The following KIAA0319L variants were observed in gnomAD, a reference collection of about 807,000 sequenced individuals.
The protein encoded by KIAA0319L is dyslexia-associated protein KIAA0319-like protein.
Under a neutral mutation model 120.1 loss-of-function variants are expected in KIAA0319L, and 55 were observed. That is an observed-to-expected ratio of 0.46 (90% CI 0.37 to 0.57). KIAA0319L has a LOEUF of 0.57. Ranked by LOEUF, KIAA0319L falls within the 20% of genes least tolerant of loss-of-function variation. The pLI is 0.00. For synonymous variants in KIAA0319L, 398 were observed against 471.9 expected, an observed-to-expected ratio of 0.84 and a Z score of 2.03; for missense variants, 1,049 against 1,255.3, an observed-to-expected ratio of 0.84 and a Z score of 2.48.
chr1:35,455,973 TTC>T, intron 10 of KIAA0319L, 38 bp downstream of exon 10: 7 of 1,491,784 alleles, frequency 4.7e-6, no homozygotes, highest in Non-Finnish European at 6.5e-6. Context: ...GCAGCTCTAC[TTC>T]TCTTGGGCAA....
chr1:35,526,410 T>TATATATATAC (rs1491411192), intron 2 of KIAA0319L, among the ~76,000 whole-genome samples: 1 of 137,520 alleles, frequency 7.3e-6, no homozygotes, highest in East Asian at 2.2e-4. Context: ...TATATATATA[T>TATATATATAC]ACACACATAC....
intron 2 of KIAA0319L, among the ~76,000 whole-genome samples, chr1:35,516,090 A>G (rs1362291954): frequency 6.6e-6 from 1 of 152,202 alleles, no homozygotes; most frequent in Non-Finnish European, 1.5e-5. Context: ...GCCCAAGACC[A>G]GATGGATTCC....
At chr1:35,529,188 G>A (rs750085777) in intron 2 of KIAA0319L, among the ~76,000 whole-genome samples, 14 of 152,184 alleles carry the variant, frequency 9.2e-5, no homozygotes, top group South Asian at 6.2e-4. Flanking sequence ...AAAAGAATGC[G>A]TCCACATGAC....
At position 35,540,919 on chromosome 1, in the gene KIAA0319L, T is replaced by C. The variant is rs116102661; in HGVS notation, c.142+13431A>G. Among the ~76,000 whole-genome samples the C allele has an allele frequency of 4.1e-3, 621 of 152,266 alleles. 1 individual carries two copies. The highest frequency in any genetic ancestry group is 6.6e-3 in the Non-Finnish European group (447 of 68,018). On this transcript the variant is annotated intron_variant, in intron 2 of 20. Transcript: ENST00000325722. ...GCTTCATGAGGGCAGAAACCGTATCTGTCTTGCTCACCAATGTATTAATTT... is the reference window on the plus strand; with the variant it reads ...GCTTCATGAGGGCAGAAACCGTATCCGTCTTGCTCACCAATGTATTAATTT...
intron 16 of KIAA0319L, among the ~76,000 whole-genome samples, chr1:35,446,565 T>G (rs539810792): frequency 6.6e-6 from 1 of 152,188 alleles, no homozygotes; most frequent in African/African-American, 2.4e-5. Context: ...CACAAACCCA[T>G]AGGCCTACTT....
chr1:35,450,479 G>C lies in KIAA0319L; in HGVS notation c.2093C>G (p.Thr698Ser). 6.2e-7 allele frequency: 1 copy of C among 1,613,848 alleles called. No homozygotes were observed. The highest frequency in any genetic ancestry group is 8.5e-7 in the Non-Finnish European group (1 of 1,179,754). Residue 698 changes from threonine (T) to serine (S), a missense_variant, in exon 14 of 21, where the codon ACT (threonine) becomes AGT (serine). Thr to Ser is a moderately conservative substitution (Grantham distance 58). Transcript: ENST00000325722. ...GGGTAGGGTAATCACCACATTCCCA[G>C]TTATCTTGGCTATAGGTGGTTTGTT... is the stretch of plus-strand genomic sequence containing the variant. ...EINKPPIAKITGNVVITLPTS... is the reference protein window; with the variant it reads ...EINKPPIAKISGNVVITLPTS...
Position 35,456,249 on chromosome 1 carries a change from G to A in KIAA0319L, c.1428-8C>T. Reference sequence around the variant, plus strand: ...GAGTCTACTACAGTCAAGCTATCAGGGCAGAGAGAGGAGTGTGATCAGGGA... The same window carrying A: ...GAGTCTACTACAGTCAAGCTATCAGAGCAGAGAGAGGAGTGTGATCAGGGA... On this transcript the variant is annotated splice_polypyrimidine_tract_variant and splice_region_variant and intron_variant, in intron 9 of 20. Transcript: ENST00000325722. The A allele has an allele frequency of 6.6e-7, 1 of 1,515,294 alleles. No homozygotes were observed. The highest frequency in any genetic ancestry group is 9.0e-7 in the Non-Finnish European group (1 of 1,116,320). The allele number at this position is 1,515,294 out of a possible 1,614,324, so 93.9% of individuals were successfully genotyped here.
At chr1:35,481,653 GAACA>G (rs1297877669) in intron 3 of KIAA0319L, among the ~76,000 whole-genome samples, 1 of 151,680 alleles carries the variant, frequency 6.6e-6, no homozygotes, top group Non-Finnish European at 1.5e-5. Flanking sequence ...ACAATAAATT[GAACA>G]TACATAAAAT....
intron 3 of KIAA0319L, among the ~76,000 whole-genome samples, chr1:35,505,550 T>C (rs750385994): frequency 2.0e-5 from 3 of 152,214 alleles, no homozygotes; most frequent in Non-Finnish European, 2.9e-5. Flanking sequence ...CAGTCTCCAC[T>C]AGATTATAAA....
rs2149125036 is a variant in KIAA0319L at position 35,470,880 on chromosome 1, T to C, written c.1096A>G (p.Ile366Val). 1 of 1,611,134 alleles carries C rather than the reference T, an allele frequency of 6.2e-7. No individual in the cohort carries two copies. Among genetic ancestry groups the C allele is most frequent in the African/African-American group, 1.3e-5 (1 of 74,984 alleles). ...SGEMEGKHSQ[I>V]LKLSKLTPGL... ...AAATTCACCTTCGATAGTTTGAGGA[T>C]CTGGGAATGTTTCCCTTCCATTTCT... Residue 366 changes from isoleucine to valine, a missense_variant, in exon 6 of 21, where the codon ATC becomes GTC. Coordinates refer to ENST00000325722, the MANE Select transcript of KIAA0319L (RefSeq NM_024874.5).
chr1:35,496,946 CCA>C (rs1491302393), intron 3 of KIAA0319L, among the ~76,000 whole-genome samples: 2,195 of 64,248 alleles, frequency 0.034, 55 homozygotes, highest in African/African-American at 0.25. Flanking sequence ...GATTGTGTCT[CCA>C]AAAAAAAAAA....
chr1:35,515,138 C>A (rs1645627092), intron 2 of KIAA0319L, among the ~76,000 whole-genome samples: 1 of 152,030 alleles, frequency 6.6e-6, no homozygotes, highest in Non-Finnish European at 1.5e-5. Flanking sequence ...CACGGTGAAA[C>A]CCCATCTCTA....
rs907357566 is a variant in KIAA0319L, at chr1:35,437,091, G to C, written c.2963-2010C>G. On this transcript the variant is annotated intron_variant, in intron 20 of 20. Coordinates refer to ENST00000325722, the MANE Select transcript of KIAA0319L (RefSeq NM_024874.5). This position sits in a 1 kb window ranked among gnomAD's most constrained non-coding sequence, Gnocchi z 4.1. ...CCTTCGGTAGACACTGCCCACAAGA[G>C]ACCAGCCCTGCTGCCCTCACCTGGT... Among the ~76,000 whole-genome samples, 1 of 152,128 alleles carries C rather than the reference G, an allele frequency of 6.6e-6. No homozygotes were observed. The highest frequency in any genetic ancestry group is 1.5e-5 in the Non-Finnish European group (1 of 68,026).
chr1:35,530,315 T>C (rs997745602), intron 2 of KIAA0319L, among the ~76,000 whole-genome samples: 9 of 151,940 alleles, frequency 5.9e-5, no homozygotes, highest in Non-Finnish European at 7.4e-5. Context: ...CATGAACCAC[T>C]GCACCCAGCC....
chr1:35,444,339 C>T (rs746400668), intron 16 of KIAA0319L, 36 bp from the exon 17 acceptor site: 9 of 1,535,660 alleles, frequency 5.9e-6, no homozygotes, highest in Middle Eastern at 1.7e-4. Context: ...TGAGCTGAAG[C>T]GGTCCATACC....
At chr1:35,435,196 C>G in intron 20 of KIAA0319L, 115 bp from the exon 21 acceptor site, 1 of 938,142 alleles carries the variant, frequency 1.1e-6, no homozygotes, top group East Asian at 2.4e-5. Context: ...AGGCTCCTCT[C>G]CAGGCTGGGA....
At chr1:35,545,257 T>G (rs772986849) in intron 2 of KIAA0319L, among the ~76,000 whole-genome samples, 8 of 152,162 alleles carry the variant, frequency 5.3e-5, no homozygotes, top group Non-Finnish European at 8.8e-5. Context: ...TCTGGCCCTC[T>G]GCCAGAGTGA....
At chr1:35,524,445 T>C (rs1646042192) in intron 2 of KIAA0319L, among the ~76,000 whole-genome samples, 1 of 152,350 alleles carries the variant, frequency 6.6e-6, no homozygotes, top group South Asian at 2.1e-4. Context: ...AAGCCTCTGT[T>C]AGAGACCTCA....
intron 2 of KIAA0319L, among the ~76,000 whole-genome samples, chr1:35,512,650 C>T (rs545956696): frequency 6.6e-6 from 1 of 152,060 alleles, no homozygotes; most frequent in South Asian, 2.1e-4. Context: ...AGGCAGATCA[C>T]TTGAGGTCAG....
Sources: allele counts gnomAD v4.1 joint callset (sites outside exome capture counted in the v4.1 genomes callset), GRCh38; gene constraint gnomAD v4.1.1; non-coding constraint Gnocchi (gnomAD v3.1); transcripts MANE v1.5; gene names NCBI Gene and HGNC (gene_info 2026-07-23, HGNC 2026-07-21).